MIA3: variants seen among roughly 807,000 people sequenced by gnomAD.
The protein encoded by MIA3 is transport and Golgi organization protein 1 homolog.
A neutral mutation model predicts 192.4 loss-of-function variants in MIA3; 90 were observed. The observed-to-expected ratio is 0.47, with a 90% CI of 0.39 to 0.56. MIA3 has a LOEUF of 0.56. Among genes scored for constraint, MIA3 ranks in the 20% least tolerant of loss-of-function variants. The pLI, the probability that MIA3 is intolerant of heterozygous loss-of-function variation, is 0.00. For missense variants in MIA3, 2,123 were observed against 2,269.4 expected, an observed-to-expected ratio of 0.94 and a Z score of 1.31; for synonymous variants, 740 against 792.8, an observed-to-expected ratio of 0.93 and a Z score of 1.12.
intron 3 of MIA3, among the ~76,000 whole-genome samples, 183 bp from the exon 4 acceptor site, chr1:222,627,391 TG>T (rs1662166900): frequency 6.6e-6 from 1 of 152,214 alleles, no homozygotes; most frequent in African/African-American, 2.4e-5. Context: ...ATTACTCAGA[TG>T]GGAAAGTGGG....
intron 6 of MIA3, among the ~76,000 whole-genome samples, 167 bp from the exon 7 acceptor site, chr1:222,645,387 C>T (rs544496734): frequency 1.1e-4 from 17 of 152,276 alleles, no homozygotes; most frequent in Non-Finnish European, 1.9e-4. Flanking sequence ...GTATGAGACT[C>T]CCAGTATCCT....
chr1:222,659,824 A>C, intron 22 of MIA3, 23 bp downstream of exon 22: 1 of 1,612,662 alleles, frequency 6.2e-7, no homozygotes, highest in South Asian at 1.1e-5. Flanking sequence ...TGATGGCTAT[A>C]TTTTCAGCGC....
At chr1:222,649,256 T>C (rs1393486132) in intron 8 of MIA3, 1 of 154,846 alleles carries the variant, frequency 6.5e-6, no homozygotes, top group Non-Finnish European at 1.4e-5. Flanking sequence ...AAATGACATA[T>C]TTGAAGTGAT....
At chr1:222,624,702 T>A (rs1571860728) in intron 2 of MIA3, 66 bp from the exon 3 acceptor site, 2 of 780,014 alleles carry the variant, frequency 2.6e-6, no homozygotes, top group East Asian at 2.5e-5. Flanking sequence ...TTTGCAGCTC[T>A]ATCGTTCATA....
chr1:222,664,977 C>T (rs373096132), intron 27 of MIA3: 7 of 447,842 alleles, frequency 1.6e-5, no homozygotes, highest in African/African-American at 1.2e-4. Context: ...GCAGGTGGAT[C>T]CCTTGAGCCT....
intron 6 of MIA3, among the ~76,000 whole-genome samples, chr1:222,637,379 C>T (rs1481500965): frequency 2.6e-5 from 4 of 152,124 alleles, no homozygotes; most frequent in African/African-American, 9.7e-5. Flanking sequence ...ATCTGGGTGT[C>T]CCTCTTTTTT....
chr1:222,645,531 C>T, intron 6 of MIA3, 23 bp from the exon 7 acceptor site: 1 of 1,572,682 alleles, frequency 6.4e-7, no homozygotes, highest in Non-Finnish European at 8.6e-7. Context: ...CTCATTATTT[C>T]TAACATTATT....
chr1:222,648,364 A>T (rs759099522), intron 7 of MIA3, among the ~76,000 whole-genome samples: 2 of 152,228 alleles, frequency 1.3e-5, no homozygotes, highest in Non-Finnish European at 2.9e-5. Context: ...AGAGGTGTGT[A>T]TCTTAGTACG....
Position 222,647,512 on chromosome 1 carries a change from G to A in MIA3, c.3610-1317G>A, listed in dbSNP as rs147477353. On this transcript the variant is annotated intron_variant, in intron 7 of 27. Transcript: ENST00000344922. Reference sequence around the variant, plus strand: ...AATTGATTGTAAAATTACTTAAAAAGAAGGGTCTTTTTTCCTGTGAGGCCT... The same window carrying A: ...AATTGATTGTAAAATTACTTAAAAAAAAGGGTCTTTTTTCCTGTGAGGCCT... Among the ~76,000 whole-genome samples, 56 of 152,196 alleles carry A rather than the reference G, an allele frequency of 3.7e-4. No individual in the cohort carries two copies. The East Asian group carries it at 0.011, about 29-fold the overall frequency.
At chr1:222,663,837 G>A in intron 26 of MIA3, 161 bp from the exon 27 acceptor site, 1 of 656,804 alleles carries the variant, frequency 1.5e-6, no homozygotes, top group East Asian at 2.6e-5. Flanking sequence ...TTCTAAGCTT[G>A]TCAGTGGGAA....
At position 222,641,621 on chromosome 1, in the gene MIA3, G is replaced by A. The variant is rs554756192; in HGVS notation, c.3478-3933G>A. The A allele has an allele frequency of 4.1e-4, 216 of 529,908 alleles. 5 individuals carry two copies. The highest frequency in any genetic ancestry group is 2.9e-3 in the South Asian group (208 of 72,014). The allele number at this position is 529,908 out of a possible 1,614,324, so 32.8% of individuals were successfully genotyped here. On this transcript the variant is annotated intron_variant, in intron 6 of 27. Coordinates refer to ENST00000344922, the MANE Select transcript of MIA3 (RefSeq NM_198551.4). ...TAGTACCCAGTTCCTACATCAATGA[G>A]CACATGTTCCACATCATGCAGCTTC...
intron 4 of MIA3, 143 bp downstream of exon 4, chr1:222,630,532 C>T: frequency 1.3e-6 from 1 of 749,228 alleles, no homozygotes; most frequent in Non-Finnish European, 2.0e-6. Context: ...CATGTTCCTT[C>T]CTGCCATCTT....
chr1:222,646,608 CG>C (rs1234493219), intron 7 of MIA3, among the ~76,000 whole-genome samples: 1 of 151,718 alleles, frequency 6.6e-6, no homozygotes, highest in Non-Finnish European at 1.5e-5. Context: ...AAAACTTAGC[CG>C]GGGGTGGTGG....
Position 222,665,326 on chromosome 1 carries a change from C to T in MIA3, c.5431C>T (p.Pro1811Ser). ...TTTTCCAGGCCCTGGTATGCGTCCA[C>T]CACTAGGCTTAAGAGAATTTGCACC... ...PPPFGPGMRP[P>S]LGLREFAPGV... The change falls in exon 28 of 28, where the codon CCA becomes TCA. Residue 1811 changes from proline to serine, a missense_variant. Physicochemically the swap from Pro to Ser is moderately conservative, Grantham distance 74. Coordinates refer to ENST00000344922, the MANE Select transcript of MIA3 (RefSeq NM_198551.4). The T allele has an allele frequency of 6.2e-7, 1 of 1,612,500 alleles. No individual in the cohort carries two copies. The highest frequency in any genetic ancestry group is 8.5e-7 in the Non-Finnish European group (1 of 1,179,250).
rs1663877457 is a variant in MIA3, at chr1:222,659,076, A to G, written c.4709+253A>G. The G allele has an allele frequency of 9.2e-6, 4 of 436,902 alleles. No homozygotes were observed. In the South Asian group the frequency reaches 9.7e-5, roughly 11 times the overall value. 27.1% of individuals were successfully genotyped at this position (436,902 alleles called of 1,614,324 possible). On this transcript the variant is annotated intron_variant, in intron 19 of 27. Transcript: ENST00000344922. The stretch of plus-strand genomic sequence containing the variant: ...GTGGGAGCAGTTTGTTATATGATGT[A>G]TCAAAAGCCATTAAAGTGATTTTGC...
intron 7 of MIA3, 131 bp downstream of exon 7, chr1:222,645,816 T>C (rs1663111516): frequency 2.6e-6 from 2 of 757,440 alleles, no homozygotes; most frequent in Non-Finnish European, 4.0e-6. Flanking sequence ...CCTTGTAAAA[T>C]AATTTAGTAT....
chr1:222,624,884 G>T, intron 3 of MIA3, 30 bp downstream of exon 3: 1 of 1,324,098 alleles, frequency 7.6e-7, no homozygotes, highest in East Asian at 2.3e-5. Context: ...CTTGTTCTCA[G>T]TTATAAGTTG....
rs1051685623 is a variant in MIA3, at chr1:222,628,824, T to A, written c.1604T>A (p.Ile535Asn). ...ENDLKGAAIH[I>N]SKGMLHEEKP... ...GACCTAAAAGGAGCAGCTATTCATA[T>A]CTCAAAAGGAATGCTCCACGAAGAA... Residue 535 changes from isoleucine to asparagine, a missense_variant, in exon 4 of 28, where the codon ATC becomes AAC. By Grantham distance (149) the Ile-to-Asn change is moderately radical (BLOSUM62 -3). Transcript: ENST00000344922. 1 of 1,614,144 alleles carries A rather than the reference T, an allele frequency of 6.2e-7. No homozygotes were observed. Among genetic ancestry groups the A allele is most frequent in the Non-Finnish European group, 8.5e-7 (1 of 1,180,018 alleles).
In MIA3 at chr1:222,627,893, G is replaced by A. The variant is rs184666801; in HGVS notation, c.673G>A (p.Ala225Thr). ...AGCAAATCATGCTCAGGGAGAGCAG[G>A]CTTCATTTGAATCTTTTGAAGAAAT... Reference protein sequence around the residue: ...SQANHAQGEQASFESFEEMLQ... With the variant: ...SQANHAQGEQTSFESFEEMLQ... The change falls in exon 4 of 28, where the codon GCT (alanine) becomes ACT (threonine). Residue 225 changes from alanine (A) to threonine (T), a missense_variant. Transcript: ENST00000344922. The A allele has an allele frequency of 1.2e-6, 2 of 1,613,898 alleles. No homozygotes were observed. Among genetic ancestry groups the A allele is most frequent in the African/African-American group, 2.7e-5 (2 of 74,902 alleles).
Sources: gnomAD v4.1 joint callset for allele counts (sites outside exome capture counted in the v4.1 genomes callset) on GRCh38, gnomAD v4.1.1 for gene constraint, MANE v1.5 for transcripts, NCBI Gene and HGNC (gene_info 2026-07-23, HGNC 2026-07-21) for gene names.